C8orf34: variants seen among roughly 807,000 people sequenced by gnomAD.
The protein encoded by C8orf34 is uncharacterized protein C8orf34.
In C8orf34, 65 loss-of-function variants were observed where a neutral mutation model predicts 68.3. The ratio of observed to expected loss-of-function variants is 0.95; its 90% CI spans 0.78 to 1.17. The LOEUF (loss-of-function observed/expected upper bound fraction) is 1.17. C8orf34 is among the 50% of genes most tolerant of loss of function. The pLI is 0.00. For synonymous variants in C8orf34, 244 were observed against 241.2 expected (o/e 1.01, Z -0.11); for missense variants, 664 against 655.4 (o/e 1.01, Z -0.14).
chr8:68,359,049 C>A (rs1806872208), intron 1 of C8orf34, among the ~76,000 whole-genome samples: 1 of 152,092 alleles, frequency 6.6e-6, no homozygotes, highest in Admixed American at 6.6e-5. Flanking sequence ...TATTGCTATT[C>A]ATTCTTATTT....
chr8:68,551,145 A>G (rs1019862727), intron 7 of C8orf34, among the ~76,000 whole-genome samples: 16 of 151,572 alleles, frequency 1.1e-4, no homozygotes, highest in Admixed American at 9.2e-4. Context: ...CATTATGCAT[A>G]TGTTACATTT....
At chr8:68,590,968 G>T (rs141818368) in intron 7 of C8orf34, among the ~76,000 whole-genome samples, 159 of 152,256 alleles carry the variant, frequency 1.0e-3, no homozygotes, top group African/African-American at 3.4e-3. Flanking sequence ...GCATTCCGAA[G>T]AACCCAGATG....
At chr8:68,659,234 G>A (rs1819599321) in intron 8 of C8orf34, among the ~76,000 whole-genome samples, 1 of 152,054 alleles carries the variant, frequency 6.6e-6, no homozygotes, top group African/African-American at 2.4e-5. Context: ...CCATCCCTGG[G>A]TTTTATAGAT....
At chr8:68,509,780 T>A (rs1814183843) in intron 5 of C8orf34, among the ~76,000 whole-genome samples, 1 of 151,978 alleles carries the variant, frequency 6.6e-6, no homozygotes, top group African/African-American at 2.4e-5. Context: ...AGGAAGAGCA[T>A]CCTCTTTCCC....
chr8:68,386,558 G>T (rs1466788031), intron 1 of C8orf34, among the ~76,000 whole-genome samples: 1 of 152,126 alleles, frequency 6.6e-6, no homozygotes, highest in African/African-American at 2.4e-5. Flanking sequence ...CATTGCATGG[G>T]TTGTCTTTTC....
At position 68,761,698 on chromosome 8, in the gene C8orf34, A is replaced by G. The variant is rs1823028951; in HGVS notation, c.1405-14701A>G. On this transcript the variant is annotated intron_variant, in intron 10 of 13. Coordinates refer to ENST00000518698, the MANE Select transcript of C8orf34 (RefSeq NM_052958.4). ...TAACCTGATCAACAAAGTCCAGTTCACCCACTAACAGCCTGGAGAAGTCTG... is the reference window on the plus strand; with the variant it reads ...TAACCTGATCAACAAAGTCCAGTTCGCCCACTAACAGCCTGGAGAAGTCTG... Among the ~76,000 whole-genome samples, 6 of 152,188 alleles carry G rather than the reference A, an allele frequency of 3.9e-5. No homozygotes were observed. The South Asian group carries it at 1.2e-3, about 31-fold the overall frequency.
chr8:68,383,656 G>A (rs1335122572), intron 1 of C8orf34, among the ~76,000 whole-genome samples: 1 of 152,154 alleles, frequency 6.6e-6, no homozygotes, highest in Admixed American at 6.5e-5. Context: ...GCTGTACAGT[G>A]TGCAATAGTG....
chr8:68,344,588 A>G (rs1365016038), intron 1 of C8orf34, among the ~76,000 whole-genome samples: 5 of 152,190 alleles, frequency 3.3e-5, no homozygotes, highest in East Asian at 1.9e-4. Flanking sequence ...ATTATTTCTA[A>G]CAGCTGAATA....
At chr8:68,354,124 C>A (rs577753965) in intron 1 of C8orf34, among the ~76,000 whole-genome samples, 2 of 151,760 alleles carry the variant, frequency 1.3e-5, no homozygotes, top group Non-Finnish European at 2.9e-5. Context: ...TTAATTTGTG[C>A]GCTAAATTAT....
chr8:68,615,029 G>A (rs1206041620), intron 7 of C8orf34, among the ~76,000 whole-genome samples: 5 of 151,016 alleles, frequency 3.3e-5, no homozygotes, highest in Admixed American at 1.3e-4. Context: ...GGATTCCTAG[G>A]TATTTTATTC....
intron 7 of C8orf34, chr8:68,625,572 A>G (rs1186020195): frequency 2.9e-6 from 2 of 700,226 alleles, no homozygotes; most frequent in South Asian, 1.5e-5. Context: ...AGAAAGCAAC[A>G]CAGAATGGAA....
intron 7 of C8orf34, among the ~76,000 whole-genome samples, chr8:68,639,488 T>A (rs1818940591): frequency 6.6e-6 from 1 of 152,088 alleles, no homozygotes; most frequent in Non-Finnish European, 1.5e-5. Context: ...GTATCTAGGA[T>A]GTTTTTATGA....
intron 7 of C8orf34, among the ~76,000 whole-genome samples, chr8:68,563,291 A>T (rs1816489436): frequency 6.6e-6 from 1 of 152,170 alleles, no homozygotes; most frequent in African/African-American, 2.4e-5. Flanking sequence ...CTAGGGCCTT[A>T]ACTCTCTGTA....
At chr8:68,664,880 C>G (rs1169721262) in intron 8 of C8orf34, among the ~76,000 whole-genome samples, 1 of 152,070 alleles carries the variant, frequency 6.6e-6, no homozygotes, top group Admixed American at 6.6e-5. Context: ...TGATGAGAGA[C>G]AATTCATATT....
At chr8:68,333,527 C>A (rs1398147123) in intron 1 of C8orf34, among the ~76,000 whole-genome samples, 1 of 152,156 alleles carries the variant, frequency 6.6e-6, no homozygotes, top group Admixed American at 6.5e-5. Flanking sequence ...TTTGAGAGTA[C>A]AATTATACGT....
intron 8 of C8orf34, among the ~76,000 whole-genome samples, chr8:68,643,448 G>A (rs1026106557): frequency 6.6e-6 from 1 of 151,990 alleles, no homozygotes; most frequent in Admixed American, 6.6e-5. Context: ...AGTCTATTTG[G>A]GATGCTATAA....
At chr8:68,446,947 A>G (rs1044108843) in intron 3 of C8orf34, 1 of 154,138 alleles carries the variant, frequency 6.5e-6, no homozygotes, top group South Asian at 2.1e-4. Flanking sequence ...TCTCTTCACT[A>G]CTACTGTAAT....
intron 3 of C8orf34, among the ~76,000 whole-genome samples, chr8:68,457,664 CT>C (rs1334941240): frequency 6.6e-6 from 1 of 152,082 alleles, no homozygotes; most frequent in Non-Finnish European, 1.5e-5. Context: ...CAATAGGCTG[CT>C]TTGTAACATA....
intron 7 of C8orf34, among the ~76,000 whole-genome samples, chr8:68,580,778 T>A (rs1817039970): frequency 1.3e-5 from 2 of 152,158 alleles, no homozygotes; most frequent in Non-Finnish European, 2.9e-5. Context: ...GAGAGATAGC[T>A]CTTCTTGTGA....
Sources: gnomAD v4.1 joint callset for allele counts (sites outside exome capture counted in the v4.1 genomes callset) on GRCh38, gnomAD v4.1.1 for gene constraint, MANE v1.5 for transcripts, NCBI Gene and HGNC (gene_info 2026-07-23, HGNC 2026-07-21) for gene names.